Variants in TCF7L2 observed in about 807,000 individuals in gnomAD.
The protein encoded by TCF7L2 is transcription factor 7 like 2, also known as transcription factor 7-like 2.
TCF7L2 carries 23 observed loss-of-function variants against 77.9 expected under a neutral mutation model. The observed-to-expected ratio is 0.30, with a 90% CI of 0.21 to 0.42. The LOEUF (loss-of-function observed/expected upper bound fraction) is 0.42, where lower values mean the gene tolerates loss of function less well. TCF7L2 is among the 10% of genes least tolerant of loss of function. The pLI, the probability that TCF7L2 is intolerant of heterozygous loss-of-function variation, is 1.00. For missense variants in TCF7L2, 654 were observed against 793.1 expected (o/e 0.82, Z 2.11); for synonymous variants, 413 against 340.2 (o/e 1.21, Z -2.36).
At chr10:113,026,668 A>T (rs1196688212) in intron 4 of TCF7L2, among the ~76,000 whole-genome samples, 2 of 152,190 alleles carry the variant, frequency 1.3e-5, no homozygotes, top group Non-Finnish European at 2.9e-5. Context: ...ACCTCCATTA[A>T]GTTCAGCCTT....
intron 5 of TCF7L2, among the ~76,000 whole-genome samples, chr10:113,094,577 A>T (rs1483899636): frequency 6.6e-6 from 1 of 152,226 alleles, no homozygotes; most frequent in Admixed American, 6.5e-5. Flanking sequence ...TGAGACAACC[A>T]AAGAAATACC....
chr10:113,016,186 T>A (rs372517680), intron 4 of TCF7L2, among the ~76,000 whole-genome samples: 13 of 152,090 alleles, frequency 8.5e-5, no homozygotes, highest in African/African-American at 2.9e-4. Flanking sequence ...TGCCTTAGCC[T>A]CCTGAGTAGC....
chr10:113,157,250 C>T (rs930104024), intron 11 of TCF7L2, among the ~76,000 whole-genome samples: 2 of 152,232 alleles, frequency 1.3e-5, no homozygotes, highest in Non-Finnish European at 2.9e-5. Flanking sequence ...TCCCGAGTAG[C>T]TGGGGCTACA....
At chr10:113,046,140 G>C (rs1217178699) in intron 5 of TCF7L2, among the ~76,000 whole-genome samples, 1 of 152,166 alleles carries the variant, frequency 6.6e-6, no homozygotes, top group Non-Finnish European at 1.5e-5. Context: ...CAGAAACTCT[G>C]TCCTCTGGTG....
At position 113,127,955 on chromosome 10, in the gene TCF7L2, G is replaced by A. The variant is rs982676296; in HGVS notation, c.553-13229G>A. 2.1e-5 allele frequency among the ~76,000 whole-genome samples: 3 copies of A among 144,662 alleles called. No homozygotes were observed. The Admixed American group carries it at 2.2e-4, about 10-fold the overall frequency. The allele number at this position is 144,662 out of a possible 152,430, so 94.9% of individuals were successfully genotyped here. On this transcript the variant is annotated intron_variant, in intron 5 of 13. Coordinates refer to ENST00000627217, the MANE Select transcript of TCF7L2 (RefSeq NM_001146274.2). ...GTCAAAGTTGCCCATCCTGTTTGCC[G>A]CACTTTATAAGTTATTGTTGCTGAA...
At chr10:113,090,262 T>A (rs1274152720) in intron 5 of TCF7L2, among the ~76,000 whole-genome samples, 1 of 152,194 alleles carries the variant, frequency 6.6e-6, no homozygotes, top group Non-Finnish European at 1.5e-5. Flanking sequence ...AACTCTTAGG[T>A]TTAAACAGCA....
chr10:113,052,727 C>G (rs542791921), intron 5 of TCF7L2, among the ~76,000 whole-genome samples: 1 of 152,238 alleles, frequency 6.6e-6, no homozygotes, highest in South Asian at 2.1e-4. Context: ...GCTTGAACTG[C>G]GGATTCATTT....
intron 5 of TCF7L2, among the ~76,000 whole-genome samples, chr10:113,075,023 T>C (rs2058532411): frequency 6.6e-6 from 1 of 152,220 alleles, no homozygotes; most frequent in Non-Finnish European, 1.5e-5. Flanking sequence ...ATTTATTTAT[T>C]TAGAGACAGG....
chr10:112,982,515 T>C (rs918516275), intron 4 of TCF7L2, among the ~76,000 whole-genome samples: 1 of 152,198 alleles, frequency 6.6e-6, no homozygotes, highest in Non-Finnish European at 1.5e-5. Context: ...CAAGTGGTGA[T>C]ATATTGTGGC....
chr10:112,989,394 T>G (rs1564750756), intron 4 of TCF7L2, among the ~76,000 whole-genome samples: 1 of 151,978 alleles, frequency 6.6e-6, no homozygotes, highest in Non-Finnish European at 1.5e-5. Flanking sequence ...CCAAAACACT[T>G]TATAAAGTTA....
intron 4 of TCF7L2, among the ~76,000 whole-genome samples, chr10:113,016,133 C>T (rs1390320414): frequency 2.0e-5 from 3 of 150,496 alleles, no homozygotes; most frequent in Admixed American, 6.6e-5. Flanking sequence ...GGTGTGATCT[C>T]GGCTCACTAC....
At chr10:112,971,518 C>T (rs895921148) in intron 4 of TCF7L2, among the ~76,000 whole-genome samples, 1 of 151,940 alleles carries the variant, frequency 6.6e-6, no homozygotes, top group African/African-American at 2.4e-5. Flanking sequence ...CCATGTTGGC[C>T]AGGCTGGTCT....
At chr10:113,074,872 G>T (rs1472374123) in intron 5 of TCF7L2, among the ~76,000 whole-genome samples, 2 of 152,112 alleles carry the variant, frequency 1.3e-5, no homozygotes, top group Admixed American at 6.5e-5. Context: ...ATGGGCACAG[G>T]GCAGGGATGC....
chr10:113,105,473 AG>A (rs1165406749), intron 5 of TCF7L2, among the ~76,000 whole-genome samples: 1 of 152,172 alleles, frequency 6.6e-6, no homozygotes, highest in Non-Finnish European at 1.5e-5. Flanking sequence ...GCCATAACAC[AG>A]GGACATTTGG....
chr10:113,002,727 A>G (rs1413632182), intron 4 of TCF7L2, among the ~76,000 whole-genome samples: 5 of 152,174 alleles, frequency 3.3e-5, no homozygotes, highest in Admixed American at 1.3e-4. Flanking sequence ...TCATTTGTCT[A>G]GAGGTTCTGT....
rs769274074 is a variant in TCF7L2, at chr10:112,964,595, A to G, written c.421A>G (p.Lys141Glu). 5 of 1,613,376 alleles carry G rather than the reference A, an allele frequency of 3.1e-6. No individual in the cohort carries two copies. The highest frequency in any genetic ancestry group is 4.2e-6 in the Non-Finnish European group (5 of 1,179,554). Residue 141 changes from lysine (K) to glutamate (E), a missense_variant, in exon 4 of 14, where the codon AAA (lysine) becomes GAA (glutamate). Physicochemically the swap from Lys to Glu is moderately conservative, Grantham distance 56. This residue lies in a region of TCF7L2 where 132 missense variants were observed against 123.7 expected (regional missense o/e 1.07). Coordinates refer to ENST00000627217, the MANE Select transcript of TCF7L2 (RefSeq NM_001146274.2). ...CGGCAGCACACATTACTCTGCGTAC[A>G]AAACGATTGAACACCAGATTGCAGT...
At chr10:112,971,038 A>G (rs12573128) in intron 4 of TCF7L2, among the ~76,000 whole-genome samples, 45,403 of 152,064 alleles carry the variant, frequency 0.3, 10,222 homozygotes, top group East Asian at 0.69. Flanking sequence ...ATGAGTTTTA[A>G]CCTAATTAGC....
At chr10:113,153,803 G>A (rs1159953538) in intron 11 of TCF7L2, among the ~76,000 whole-genome samples, 1 of 152,204 alleles carries the variant, frequency 6.6e-6, no homozygotes, top group African/African-American at 2.4e-5. Context: ...CCAGGAAATC[G>A]CAAACATCTG....
intron 4 of TCF7L2, among the ~76,000 whole-genome samples, chr10:112,973,597 T>C (rs781133571): frequency 3.9e-5 from 6 of 152,138 alleles, no homozygotes; most frequent in African/African-American, 7.2e-5. Flanking sequence ...TAATTTTATT[T>C]ATTTATTTTT....
Sources: allele counts gnomAD v4.1 joint callset (sites outside exome capture counted in the v4.1 genomes callset), GRCh38; gene constraint gnomAD v4.1.1; regional missense constraint gnomAD v4.1.1; transcripts MANE v1.5; gene names NCBI Gene and HGNC (gene_info 2026-07-23, HGNC 2026-07-21).